PABPC4L: variants seen among roughly 807,000 people sequenced by gnomAD.
PABPC4L encodes the protein poly(A) binding protein cytoplasmic 4 like.
For synonymous variants in PABPC4L, 169 were observed against 164.1 expected (o/e 1.03, Z -0.23); for missense variants, 452 against 451.4 (o/e 1.00, Z -0.01).
At chr4:134,169,378 C>G in the PABPC4L span, among the ~76,000 whole-genome samples, 1 of 152,128 alleles carries the variant, frequency 6.6e-6, no homozygotes, top group East Asian at 1.9e-4. Context: ...CCTCTAAGTT[C>G]TGGAACCCAA....
the PABPC4L span, among the ~76,000 whole-genome samples, chr4:134,063,467 A>G: frequency 3.9e-5 from 6 of 152,112 alleles, no homozygotes; most frequent in Non-Finnish European, 8.8e-5. Flanking sequence ...CAAGGTAAAT[A>G]CATGGGTAAC....
the PABPC4L span, among the ~76,000 whole-genome samples, chr4:134,183,012 T>A: frequency 6.6e-6 from 1 of 152,010 alleles, no homozygotes; most frequent in Non-Finnish European, 1.5e-5. Flanking sequence ...CTTGTGGGAA[T>A]GTAAATTAGT....
chr4:134,106,439 G>T, the PABPC4L span, among the ~76,000 whole-genome samples: 1 of 150,460 alleles, frequency 6.6e-6, no homozygotes, highest in Non-Finnish European at 1.5e-5. Context: ...TGCTAAGAAA[G>T]AAAGAAAGAG....
At chr4:134,110,697 T>C in the PABPC4L span, among the ~76,000 whole-genome samples, 2 of 151,772 alleles carry the variant, frequency 1.3e-5, no homozygotes, top group African/African-American at 4.8e-5. Flanking sequence ...AATTGCATAA[T>C]ATTTGAATAT....
the PABPC4L span, among the ~76,000 whole-genome samples, chr4:134,076,100 T>C: frequency 6.6e-6 from 1 of 152,052 alleles, no homozygotes; most frequent in Non-Finnish European, 1.5e-5. Flanking sequence ...CCTGGATACC[T>C]AATTTCAGGA....
the PABPC4L span, among the ~76,000 whole-genome samples, chr4:134,078,302 G>A: frequency 6.6e-6 from 1 of 152,124 alleles, no homozygotes; most frequent in African/African-American, 2.4e-5. Flanking sequence ...AAAAGCACGT[G>A]TATAAAAATA....
the PABPC4L span, among the ~76,000 whole-genome samples, chr4:133,991,098 C>A: frequency 6.6e-6 from 1 of 152,280 alleles, no homozygotes; most frequent in African/African-American, 2.4e-5. Flanking sequence ...AACTTGTATT[C>A]TGGCTTTGCA....
the PABPC4L span, among the ~76,000 whole-genome samples, chr4:134,086,036 A>G: frequency 6.6e-6 from 1 of 152,072 alleles, no homozygotes; most frequent in African/African-American, 2.4e-5. Context: ...AACAATAGTG[A>G]TTTTCCTGAA....
chr4:134,129,199 T>C, the PABPC4L span, among the ~76,000 whole-genome samples: 1 of 152,030 alleles, frequency 6.6e-6, no homozygotes, highest in Non-Finnish European at 1.5e-5. Context: ...ACCTAAGAAA[T>C]GAGATAAACA....
At chr4:133,990,022 C>G in the PABPC4L span, among the ~76,000 whole-genome samples, 1 of 151,990 alleles carries the variant, frequency 6.6e-6, no homozygotes, top group African/African-American at 2.4e-5. Flanking sequence ...TAGAGATAAC[C>G]ACCCCCATGA....
At chr4:133,951,103 T>G in the PABPC4L span, among the ~76,000 whole-genome samples, 4 of 152,146 alleles carry the variant, frequency 2.6e-5, no homozygotes, top group Non-Finnish European at 5.9e-5. Flanking sequence ...TGTTTGTTTG[T>G]TTTTTTGTTT....
chr4:133,994,894 A>G, the PABPC4L span, among the ~76,000 whole-genome samples: 1 of 152,160 alleles, frequency 6.6e-6, no homozygotes, highest in Admixed American at 6.5e-5. Flanking sequence ...GCTTGATTGC[A>G]CTAGGACTAA....
chr4:133,953,817 T>C, the PABPC4L span, among the ~76,000 whole-genome samples: 2 of 152,308 alleles, frequency 1.3e-5, no homozygotes, highest in African/African-American at 2.4e-5. Context: ...TTCCCCTCTC[T>C]TCCCCAGTAA....
At chr4:134,143,464 C>T in the PABPC4L span, among the ~76,000 whole-genome samples, 1 of 149,878 alleles carries the variant, frequency 6.7e-6, no homozygotes, top group South Asian at 2.1e-4. Context: ...TGTTGTTTCA[C>T]ATAGATTTTT....
the PABPC4L span, among the ~76,000 whole-genome samples, chr4:133,990,360 T>C: frequency 1.3e-5 from 2 of 152,178 alleles, no homozygotes; most frequent in African/African-American, 2.4e-5. Context: ...ATGTTTCTAT[T>C]ATAATTGTTT....
At chr4:133,970,459 T>C in the PABPC4L span, among the ~76,000 whole-genome samples, 2,645 of 152,292 alleles carry the variant, frequency 0.017, 75 homozygotes, top group African/African-American at 0.06. Flanking sequence ...CTCTGAGCTA[T>C]GATTGCATCA....
chr4:134,070,599 G>A, the PABPC4L span, among the ~76,000 whole-genome samples: 1 of 152,094 alleles, frequency 6.6e-6, no homozygotes, highest in Admixed American at 6.5e-5. Context: ...GCTGGAGGAG[G>A]GGAGGTGTGG....
chr4:134,057,970 T>G, the PABPC4L span, among the ~76,000 whole-genome samples: 25 of 152,194 alleles, frequency 1.6e-4, no homozygotes, highest in African/African-American at 6.0e-4. Context: ...GAAAAAACAG[T>G]ATTTCATTCT....
chr4:134,004,293 GA>G, the PABPC4L span, among the ~76,000 whole-genome samples: 1 of 151,284 alleles, frequency 6.6e-6, no homozygotes, highest in African/African-American at 2.4e-5. Flanking sequence ...AATTCAACAG[GA>G]AAAAAAATAC....
Sources: allele counts gnomAD v4.1 joint callset (sites outside exome capture counted in the v4.1 genomes callset), GRCh38; gene constraint gnomAD v4.1.1; transcripts MANE v1.5; gene names NCBI Gene and HGNC (gene_info 2026-07-23, HGNC 2026-07-21).